Variants in SAMSN1 observed in about 807,000 individuals in gnomAD.
SAMSN1 encodes the protein SAM domain-containing protein SAMSN-1.
A neutral mutation model predicts 42.0 loss-of-function variants in SAMSN1; 31 were observed. That is an observed-to-expected ratio of 0.74 (90% CI 0.55 to 1.00). The LOEUF is 1.00. Ranked by LOEUF, SAMSN1 falls within the 50% of genes least tolerant of loss-of-function variation. SAMSN1 has a pLI of 0.00. For missense variants in SAMSN1, 464 were observed against 439.4 expected (o/e 1.06, Z -0.50); for synonymous variants, 178 against 151.9 (o/e 1.17, Z -1.26).
chr21:14,560,681 C>G (rs916181508), intron 2 of SAMSN1, among the ~76,000 whole-genome samples: 1 of 152,210 alleles, frequency 6.6e-6, no homozygotes, highest in Non-Finnish European at 1.5e-5. Flanking sequence ...TATTTCCCAT[C>G]TCTACTTCAT....
At chr21:14,503,138 G>A (rs910838263) in intron 5 of SAMSN1, among the ~76,000 whole-genome samples, 1 of 152,122 alleles carries the variant, frequency 6.6e-6, no homozygotes, top group Non-Finnish European at 1.5e-5. Flanking sequence ...TAATAGGAGG[G>A]ACTTTGCAGA....
chr21:14,618,824 G>A (rs1408928659), intron 2 of SAMSN1, among the ~76,000 whole-genome samples: 1 of 152,128 alleles, frequency 6.6e-6, no homozygotes, highest in Non-Finnish European at 1.5e-5. Flanking sequence ...TGAATGCTGG[G>A]TAAAACTTAC....
At chr21:14,574,383 T>C (rs1486650642) in intron 2 of SAMSN1, among the ~76,000 whole-genome samples, 3 of 152,208 alleles carry the variant, frequency 2.0e-5, no homozygotes, top group African/African-American at 7.2e-5. Context: ...ATAAGGAATA[T>C]CAATTCAACT....
chr21:14,566,331 A>G (rs1981115445), intron 2 of SAMSN1, among the ~76,000 whole-genome samples: 1 of 152,200 alleles, frequency 6.6e-6, no homozygotes, highest in Non-Finnish European at 1.5e-5. Flanking sequence ...AAGTATTTCA[A>G]AATCATTAAT....
chr21:14,648,584 A>G (rs1297187), intron 1 of SAMSN1, among the ~76,000 whole-genome samples: 66,851 of 151,690 alleles, frequency 0.44, 17,169 homozygotes, highest in Non-Finnish European at 0.57. Flanking sequence ...AATAAAACAA[A>G]CAACCCCATC....
chr21:14,576,498 T>C (rs760054385), intron 2 of SAMSN1, among the ~76,000 whole-genome samples: 1 of 152,214 alleles, frequency 6.6e-6, no homozygotes. Context: ...ACAGTGAAGC[T>C]GTGTATCCTA....
At chr21:14,579,330 T>C (rs1981620852) in intron 2 of SAMSN1, among the ~76,000 whole-genome samples, 1 of 152,204 alleles carries the variant, frequency 6.6e-6, no homozygotes, top group African/African-American at 2.4e-5. Flanking sequence ...CACTTAATCG[T>C]TAAGTTATAT....
At position 14,500,614 on chromosome 21, in the gene SAMSN1, G is replaced by T; in HGVS notation, c.683C>A (p.Ala228Asp). 1.9e-6 allele frequency: 3 copies of T among 1,614,014 alleles called. No homozygotes were observed. Among genetic ancestry groups the T allele is most frequent in the South Asian group, 2.2e-5 (2 of 91,054 alleles). Residue 228 changes from alanine to aspartate, a missense_variant, in exon 6 of 8, where the codon GCC becomes GAC. By Grantham distance (126) the Ala-to-Asp change is moderately radical (BLOSUM62 -2). Transcript: ENST00000400566. ...YVDVISEEEAAPKKIKANRRS... is the reference protein window; with the variant it reads ...YVDVISEEEADPKKIKANRRS... ...TCGGTTTGCCTTTATTTTCTTGGGG[G>T]CTGCTTCCTCTTCTGAGATGACATC...
intron 7 of SAMSN1, among the ~76,000 whole-genome samples, chr21:14,487,505 C>A (rs1986489263): frequency 6.6e-6 from 1 of 152,062 alleles, no homozygotes; most frequent in African/African-American, 2.4e-5. Flanking sequence ...ATTAACTTCT[C>A]TTTAATGTTT....
At chr21:14,547,020 GATAAA>G (rs1184624328), upstream of SAMSN1, among the ~76,000 whole-genome samples, 1 of 152,078 alleles carries the variant, frequency 6.6e-6, no homozygotes, top group Non-Finnish European at 1.5e-5. Context: ...ACAGTTAGAA[GATAAA>G]ATAAATAAAC....
intron 1 of SAMSN1, among the ~76,000 whole-genome samples, chr21:14,643,397 A>T (rs1482912209): frequency 6.6e-6 from 1 of 152,226 alleles, no homozygotes; most frequent in Non-Finnish European, 1.5e-5. Flanking sequence ...AGGCAGGCAC[A>T]CAATGAGGGA....
intron 2 of SAMSN1, among the ~76,000 whole-genome samples, chr21:14,518,429 AT>A (rs1227914313): frequency 6.9e-6 from 1 of 144,706 alleles, no homozygotes; most frequent in African/African-American, 2.6e-5. Flanking sequence ...GAAACTTCTC[AT>A]GTAGAACGTT....
At chr21:14,491,483 AT>A (rs2123650326) in intron 7 of SAMSN1, among the ~76,000 whole-genome samples, 1 of 152,326 alleles carries the variant, frequency 6.6e-6, no homozygotes, top group East Asian at 1.9e-4. Flanking sequence ...GAAGAAAAGT[AT>A]CATTCTTATC....
chr21:14,598,560 G>C (rs56156038), intron 6 of SAMSN1, among the ~76,000 whole-genome samples: 1 of 152,060 alleles, frequency 6.6e-6, no homozygotes, highest in Non-Finnish European at 1.5e-5. Flanking sequence ...AGTTTATCCC[G>C]GGCTAACTAT....
chr21:14,577,048 C>CTTTTTTT lies in SAMSN1; in HGVS notation c.261+5081_261+5087dup, dbSNP rs991163598. Among the ~76,000 whole-genome samples, 119 of 54,908 alleles carry CTTTTTTT rather than the reference C, an allele frequency of 2.2e-3. 8 individuals carry two copies. Among genetic ancestry groups the CTTTTTTT allele is most frequent in the African/African-American group, 4.8e-3 (65 of 13,660 alleles). The allele number at this position is 54,908 out of a possible 152,430, so 36.0% of individuals were successfully genotyped here. ...GTTTATGTCTAGATTGCATCCGTTT[C>CTTTTTTT]TTTTTTTTTTTTTTTTTTTTTTTTT... On this transcript the variant is annotated intron_variant, in intron 2 of 8. Coordinates refer to the SAMSN1 transcript ENST00000285670.
At chr21:14,644,371 C>T (rs1983668746) in intron 1 of SAMSN1, among the ~76,000 whole-genome samples, 1 of 151,944 alleles carries the variant, frequency 6.6e-6, no homozygotes, top group Admixed American at 6.6e-5. Flanking sequence ...CATGAGGTAC[C>T]CCCCTTCCGG....
chr21:14,582,579 C>T (rs1448254212), intron 1 of SAMSN1: 2 of 550,504 alleles, frequency 3.6e-6, no homozygotes, highest in Admixed American at 6.5e-5. Context: ...AATAAATACA[C>T]TGCAATGGAT....
At chr21:14,653,653 G>A (rs908560535) in intron 1 of SAMSN1, among the ~76,000 whole-genome samples, 1 of 152,014 alleles carries the variant, frequency 6.6e-6, no homozygotes, top group African/African-American at 2.4e-5. Context: ...AAGGGTGTAA[G>A]TGGAATGTTT....
rs370454293 is a variant in SAMSN1, at chr21:14,602,058, A to C, written c.364T>G (p.Tyr122Asp). 1.1e-3 allele frequency: 796 copies of C among 695,886 alleles called. 4 individuals are homozygous for C. Among genetic ancestry groups the C allele is most frequent in the South Asian group, 5.5e-3 (361 of 65,526 alleles). 43.1% of individuals were successfully genotyped at this position (695,886 alleles called of 1,614,324 possible). ...GTTCCTTGTAGAGTTTTTCCTTGAT[A>C]GGTATGTATGTTGTTACTTAGAAAA... Residue 122 changes from tyrosine (Y) to aspartate (D), a missense_variant, in exon 6 of 16, where the codon TAT (tyrosine) becomes GAT (aspartate). Tyr to Asp is a radical substitution (Grantham distance 160). Transcript: ENST00000647101.
Sources: allele counts gnomAD v4.1 joint callset (sites outside exome capture counted in the v4.1 genomes callset), GRCh38; gene constraint gnomAD v4.1.1; transcripts MANE v1.5; gene names NCBI Gene and HGNC (gene_info 2026-07-23, HGNC 2026-07-21).